AKAP13: variants seen among roughly 807,000 people sequenced by gnomAD.
The protein encoded by AKAP13 is A-kinase anchor protein 13.
AKAP13 carries 80 observed loss-of-function variants against 264.5 expected under a neutral mutation model. The observed-to-expected ratio is 0.30, with a 90% confidence interval of 0.25 to 0.36. The LOEUF is 0.36. Among genes scored for constraint, AKAP13 ranks in the 10% least tolerant of loss-of-function variants. AKAP13 has a pLI of 1.00. For synonymous variants in AKAP13, 1,380 were observed against 1,250.2 expected (o/e 1.10, Z -2.19); for missense variants, 3,712 against 3,435.2 (o/e 1.08, Z -2.01).
chr15:85,611,339 T>G (rs898712831), intron 8 of AKAP13, among the ~76,000 whole-genome samples: 2 of 152,206 alleles, frequency 1.3e-5, no homozygotes, highest in Non-Finnish European at 2.9e-5. Context: ...AGATTCACTG[T>G]GTCTAAAAGT....
chr15:85,709,631 A>G (rs975155729), intron 18 of AKAP13, among the ~76,000 whole-genome samples: 2 of 151,976 alleles, frequency 1.3e-5, no homozygotes, highest in African/African-American at 2.4e-5. Context: ...AGCATCTCCC[A>G]TATAAGAGAA....
In AKAP13 at chr15:85,718,745, C is replaced by G. The variant is rs979163948; in HGVS notation, c.6002-331C>G. The G allele has an allele frequency of 3.6e-6, 1 of 280,376 alleles. No homozygotes were observed. The highest frequency in any genetic ancestry group is 6.9e-6 in the Non-Finnish European group (1 of 144,906). 17.4% of individuals were successfully genotyped at this position (280,376 alleles called of 1,614,324 possible). Reference sequence around the variant, plus strand: ...TGAAACCCCATTTCTATAAAAAATACAAAAATCAGCCAGGCGTGATGGCAT... The same window carrying G: ...TGAAACCCCATTTCTATAAAAAATAGAAAAATCAGCCAGGCGTGATGGCAT... On this transcript the variant is annotated intron_variant, in intron 22 of 36. Transcript: ENST00000394518. The surrounding 1 kb of genome is among the most constrained non-coding windows in gnomAD (Gnocchi z 4.9).
intron 2 of AKAP13, among the ~76,000 whole-genome samples, chr15:85,486,839 C>T (rs537271404): frequency 7.3e-4 from 108 of 147,866 alleles, no homozygotes; most frequent in African/African-American, 2.5e-3. Flanking sequence ...CCCAGGTTCA[C>T]GCCAGTCTCC....
chr15:85,737,129 G>T (rs534678722), intron 33 of AKAP13, among the ~76,000 whole-genome samples: 1 of 151,956 alleles, frequency 6.6e-6, no homozygotes, highest in Non-Finnish European at 1.5e-5. Flanking sequence ...CATGTTGTCC[G>T]GGCTGATCTT....
chr15:85,651,869 G>A (rs113029440), intron 10 of AKAP13, among the ~76,000 whole-genome samples: 9 of 152,180 alleles, frequency 5.9e-5, no homozygotes, highest in South Asian at 2.1e-4. Flanking sequence ...CCTAGGATTC[G>A]AATTCTTAGA....
At chr15:85,553,402 C>G (rs557689611) in intron 5 of AKAP13, among the ~76,000 whole-genome samples, 2 of 152,252 alleles carry the variant, frequency 1.3e-5, no homozygotes, top group African/African-American at 4.8e-5. Flanking sequence ...ATCTGTAATT[C>G]TTATACCATT....
intron 29 of AKAP13, among the ~76,000 whole-genome samples, chr15:85,729,659 A>G (rs545028682): frequency 1.7e-4 from 26 of 152,126 alleles, no homozygotes; most frequent in Non-Finnish European, 2.9e-4. Flanking sequence ...AGCTCAGGCC[A>G]GGTGCGGTGG....
At chr15:85,401,235 A>G (rs2071407484) in intron 1 of AKAP13, among the ~76,000 whole-genome samples, 1 of 152,198 alleles carries the variant, frequency 6.6e-6, no homozygotes, top group Non-Finnish European at 1.5e-5. Context: ...TAGATAGTTA[A>G]TTCAGATGTG....
intron 15 of AKAP13, among the ~76,000 whole-genome samples, 178 bp downstream of exon 15, chr15:85,682,390 G>A (rs2084646314): frequency 6.6e-6 from 1 of 152,178 alleles, no homozygotes; most frequent in Admixed American, 6.5e-5. Context: ...TAAAGTTAAT[G>A]TCTTCAGTAG....
chr15:85,569,451 CTT>C (rs71468120), intron 5 of AKAP13, among the ~76,000 whole-genome samples: 3 of 121,810 alleles, frequency 2.5e-5, no homozygotes, highest in South Asian at 2.9e-4. Flanking sequence ...TTTTTCTTTT[CTT>C]TTTTTTTTTT....
At chr15:85,466,962 C>G (rs765082748) in intron 1 of AKAP13, among the ~76,000 whole-genome samples, 14 of 151,810 alleles carry the variant, frequency 9.2e-5, no homozygotes, top group Non-Finnish European at 1.5e-4. Context: ...CTGTGTCTGT[C>G]TTGGTGGGTT....
At chr15:85,401,825 C>T (rs959565524) in intron 1 of AKAP13, among the ~76,000 whole-genome samples, 6 of 151,804 alleles carry the variant, frequency 4.0e-5, no homozygotes, top group Admixed American at 3.9e-4. Flanking sequence ...GGACATAGGA[C>T]AATAATAATG....
intron 1 of AKAP13, among the ~76,000 whole-genome samples, chr15:85,381,244 TC>T (rs977853561): frequency 1.3e-5 from 2 of 151,738 alleles, no homozygotes; most frequent in Non-Finnish European, 2.9e-5. Flanking sequence ...CGCCGTGGAG[TC>T]CGCGCCGTGA....
intron 13 of AKAP13, among the ~76,000 whole-genome samples, chr15:85,667,220 A>T (rs1208551736): frequency 6.6e-6 from 1 of 152,246 alleles, no homozygotes; most frequent in Non-Finnish European, 1.5e-5. Flanking sequence ...TATAAACTTG[A>T]CACTGAAGGA....
chr15:85,640,642 C>G (rs168108), intron 9 of AKAP13, among the ~76,000 whole-genome samples: 96,180 of 152,004 alleles, frequency 0.63, 30,577 homozygotes, highest in Middle Eastern at 0.71. Flanking sequence ...TTAGCTGACA[C>G]TTCCCCCATG....
At position 85,400,273 on chromosome 15, in the gene AKAP13, G is replaced by A. The variant is rs141251947; in HGVS notation, c.-12+19475G>A. On this transcript the variant is annotated intron_variant, in intron 1 of 36. Coordinates refer to ENST00000394518, the MANE Select transcript of AKAP13 (RefSeq NM_007200.5). ...ATAAAAATTAAAAAATTAGCTGGGT[G>A]GTGATGCATGCCTATAGTTGTAGCT... Among the ~76,000 whole-genome samples the A allele has an allele frequency of 4.9e-4, 75 of 152,260 alleles. 1 individual carries two copies. The highest frequency in any genetic ancestry group is 1.1e-3 in the Non-Finnish European group (72 of 68,004).
At position 85,745,649 on chromosome 15, in the gene AKAP13, C is replaced by G. The variant is rs1045371746; in HGVS notation, c.*972C>G. 12 of 152,334 alleles carry G rather than the reference C, an allele frequency of 7.9e-5. No individual in the cohort carries two copies. Among genetic ancestry groups the G allele is most frequent in the African/African-American group, 2.9e-4 (12 of 41,572 alleles). The allele number at this position is 152,334 out of a possible 1,614,324, so 9.4% of individuals were successfully genotyped here. ...TCTCCCAGACAGCAGCTGTCTGGCC[C>G]TTGCTGGGTGAGGGCACACCACTGC... On this transcript the variant is annotated 3_prime_UTR_variant, in exon 37 of 37. Coordinates refer to ENST00000394518, the MANE Select transcript of AKAP13 (RefSeq NM_007200.5).
chr15:85,415,756 C>T, intron 1 of AKAP13: 2 of 607,052 alleles, frequency 3.3e-6, no homozygotes, highest in Non-Finnish European at 5.7e-6. Flanking sequence ...TTATCTTTAT[C>T]CCAAACATTT....
chr15:85,469,990 T>G (rs2074900820), intron 1 of AKAP13, among the ~76,000 whole-genome samples: 1 of 152,092 alleles, frequency 6.6e-6, no homozygotes, highest in South Asian at 2.1e-4. Context: ...AGGGCAGTAC[T>G]AAAGAAAACT....
Sources: allele counts gnomAD v4.1 joint callset (sites outside exome capture counted in the v4.1 genomes callset), GRCh38; gene constraint gnomAD v4.1.1; non-coding constraint Gnocchi (gnomAD v3.1); transcripts MANE v1.5; gene names NCBI Gene and HGNC (gene_info 2026-07-23, HGNC 2026-07-21).